ACSL4: variants seen among roughly 807,000 people sequenced by gnomAD.
ACSL4 encodes acyl-CoA synthetase long chain family member 4.
ACSL4 carries 9 observed loss-of-function variants against 49.1 expected under a neutral mutation model. The ratio of observed to expected loss-of-function variants is 0.18; its 90% CI spans 0.11 to 0.32. The LOEUF is 0.32. Among genes scored for constraint, ACSL4 ranks in the 10% least tolerant of loss-of-function variants. The pLI is 1.00. For missense variants in ACSL4, 333 were observed against 493.7 expected (o/e 0.67, Z 3.08); for synonymous variants, 191 against 170.3 (o/e 1.12, Z -0.95).
chrX:109,663,376 T>C lies in ACSL4; in HGVS notation c.1417A>G (p.Asn473Asp), dbSNP rs1922335543. Reference sequence around the variant, plus strand: ...CCAATTACGATTTCACCTCTGGGGTTTGGCTTGTCATTAATTGTATAACCG... The same window carrying C: ...CCAATTACGATTTCACCTCTGGGGTCTGGCTTGTCATTAATTGTATAACCG... ...EGGYTINDKP[N>D]PRGEIVIGGQ... Residue 473 changes from asparagine (N) to aspartate (D), a missense_variant, in exon 13 of 16, where the codon AAC becomes GAC. This residue lies in a region of ACSL4 where 175 missense variants were observed against 275.8 expected (regional missense o/e 0.63). Transcript: ENST00000672401. 1 of 1,210,788 alleles carries C rather than the reference T, an allele frequency of 8.3e-7. No individual in the cohort carries two copies. The highest frequency in any genetic ancestry group is 2.2e-5 in the Admixed American group (1 of 46,011).
rs200467117 is a variant in ACSL4 at position 109,676,301 on chromosome X, CTATT to C, written c.930+1683_930+1686del. On this transcript the variant is annotated intron_variant, in intron 8 of 15. Coordinates refer to ENST00000672401, the MANE Select transcript of ACSL4 (RefSeq NM_001318510.2). ...ATTGGAATCTCAAGTCCAAAAAAAA[CTATT>C]TAACTTTTTTTGTTTTAATAGTATA... 6.8e-3 allele frequency among the ~76,000 whole-genome samples: 739 copies of C among 108,468 alleles called. 5 individuals carry two copies. The highest frequency in any genetic ancestry group is 0.023 in the African/African-American group (695 of 29,889). The allele number at this position is 108,468 out of a possible 115,157, so 94.2% of individuals were successfully genotyped here. A position where few individuals can be genotyped will look rare whatever the true frequency, so the allele number is the denominator to read the frequency against.
chrX:109,649,226 T>A (rs1934896482), intron 15 of ACSL4, among the ~76,000 whole-genome samples: 1 of 111,726 alleles, frequency 9.0e-6, no homozygotes, highest in Non-Finnish European at 1.9e-5. Context: ...AAGTCAATCC[T>A]AAGCCAAAAG....
chrX:109,707,384 C>T (rs149740030), intron 1 of ACSL4, among the ~76,000 whole-genome samples: 1 of 112,523 alleles, frequency 8.9e-6, no homozygotes, highest in East Asian at 2.8e-4. Flanking sequence ...GAAATTAGTA[C>T]ATGCTAAATA....
At chrX:109,648,177 G>A (rs1934821225) in intron 15 of ACSL4, among the ~76,000 whole-genome samples, 1 of 111,532 alleles carries the variant, frequency 9.0e-6, no homozygotes, top group African/African-American at 3.3e-5. Flanking sequence ...CATTTTATGA[G>A]GCCAGCATCA....
rs1468868437 is a variant in ACSL4 at position 109,643,798 on chromosome X, T to C, written c.*231A>G. Reference sequence around the variant, plus strand: ...TAAAAACAGAATTTCTGCTCTATAATAACACAGCTAAAGGGAAATAACTTT... The same window carrying C: ...TAAAAACAGAATTTCTGCTCTATAACAACACAGCTAAAGGGAAATAACTTT... On this transcript the variant is annotated 3_prime_UTR_variant, in exon 16 of 16. Coordinates refer to ENST00000672401, the MANE Select transcript of ACSL4 (RefSeq NM_001318510.2). 5 of 373,544 alleles carry C rather than the reference T, an allele frequency of 1.3e-5. No individual in the cohort carries two copies. The highest frequency in any genetic ancestry group is 2.3e-5 in the Non-Finnish European group (5 of 215,033). The allele number at this position is 373,544 out of a possible 1,213,427, so 30.8% of individuals were successfully genotyped here.
intron 1 of ACSL4, among the ~76,000 whole-genome samples, chrX:109,699,292 G>T (rs946423604): frequency 8.9e-6 from 1 of 111,938 alleles, no homozygotes; most frequent in Admixed American, 9.5e-5. Context: ...ACTTGAACCC[G>T]GGAGTCAAGA....
intron 15 of ACSL4, among the ~76,000 whole-genome samples, chrX:109,652,736 C>A (rs1404409987): frequency 9.0e-6 from 1 of 110,756 alleles, no homozygotes; most frequent in African/African-American, 3.3e-5. Flanking sequence ...TTCTGGGAGC[C>A]TGGTTCATTA....
chrX:109,683,091 G>T, intron 3 of ACSL4, 45 bp downstream of exon 3: 1 of 1,154,132 alleles, frequency 8.7e-7, no homozygotes. Context: ...AAACAAATGT[G>T]TCTTCCTCTT....
At chrX:109,702,194 G>A (rs1211311855) in intron 1 of ACSL4, among the ~76,000 whole-genome samples, 4 of 110,807 alleles carry the variant, frequency 3.6e-5, no homozygotes, top group Admixed American at 9.6e-5. Context: ...CAGCCTGGGC[G>A]ACAATGGCAA....
At chrX:109,671,358 C>T (rs1240429128) in intron 9 of ACSL4, among the ~76,000 whole-genome samples, 4 of 111,595 alleles carry the variant, frequency 3.6e-5, no homozygotes, top group Admixed American at 9.3e-5. Flanking sequence ...CCGGCCTCCC[C>T]GTCTGAGAAG....
rs754760274 is a variant in ACSL4 at position 109,705,178 on chromosome X, G to A, written c.-65-8982C>T. Among the ~76,000 whole-genome samples, 11 of 112,098 alleles carry A rather than the reference G, an allele frequency of 9.8e-5. No homozygotes were observed. The South Asian group carries it at 4.0e-3, about 41-fold the overall frequency. On this transcript the variant is annotated intron_variant, in intron 1 of 15. Coordinates refer to ENST00000672401, the MANE Select transcript of ACSL4 (RefSeq NM_001318510.2). ...ATTTTTGGTGCCAATAGTTTTCAAA[G>A]GCAACTTTTTAATTATATAGGTGTA... is the stretch of plus-strand genomic sequence containing the variant.
intron 12 of ACSL4, among the ~76,000 whole-genome samples, chrX:109,665,033 A>G (rs1041477567): frequency 2.7e-5 from 3 of 111,581 alleles, no homozygotes; most frequent in African/African-American, 9.8e-5. Context: ...TGGGATCAAG[A>G]TCTAAGAAGT....
At chrX:109,710,347 CCA>C (rs1226648695) in intron 1 of ACSL4, among the ~76,000 whole-genome samples, 4 of 112,185 alleles carry the variant, frequency 3.6e-5, no homozygotes, top group African/African-American at 1.3e-4. Flanking sequence ...CTGTTTGAAT[CCA>C]CAGTCATATA....
At position 109,668,165 on chromosome X, in the gene ACSL4, G is replaced by A. The variant is rs746460338; in HGVS notation, c.1251C>T (p.Phe417=). ...PQTHRFMNVC[F]CCPIGQGYGL... ...CATAACCCTGGCCAATTGGGCAGCA[G>A]AAGCAGACATTCATGAATCGGTGTG... The change falls in exon 11 of 16, where the codon TTC becomes TTT. Residue 417 remains phenylalanine, a synonymous_variant. Transcript: ENST00000672401. 2 of 1,209,850 alleles carry A rather than the reference G, an allele frequency of 1.7e-6. No homozygotes were observed. The highest frequency in any genetic ancestry group is 2.2e-6 in the Non-Finnish European group (2 of 893,667).
intron 1 of ACSL4, among the ~76,000 whole-genome samples, chrX:109,707,181 C>A (rs1216851539): frequency 4.5e-5 from 5 of 111,744 alleles, no homozygotes; most frequent in African/African-American, 1.6e-4. Context: ...CTGGAGTTAC[C>A]AGTTCCTTGC....
At chrX:109,671,205 C>T (rs1244316692) in intron 9 of ACSL4, among the ~76,000 whole-genome samples, 1 of 109,346 alleles carries the variant, frequency 9.1e-6, no homozygotes, top group Non-Finnish European at 1.9e-5. Flanking sequence ...GCCGCCCATC[C>T]TCTGGGATGT....
intron 1 of ACSL4, among the ~76,000 whole-genome samples, chrX:109,708,071 A>C (rs922038574): frequency 1.8e-5 from 2 of 111,349 alleles, no homozygotes; most frequent in Middle Eastern, 4.6e-3. Flanking sequence ...CAGCCTCCTG[A>C]GTAGCTGGGA....
Position 109,678,332 on chromosome X carries a change from C to T in ACSL4, c.739G>A (p.Val247Met), listed in dbSNP as rs1332086545. ...TSGSTGRPKGVMMHHSNLIAG... is the reference protein window; with the variant it reads ...TSGSTGRPKGMMMHHSNLIAG... ...ATCAAATTGCTATGATGCATCATCACTCCCTTAGGTCGGCCAGTAGAACCA... is the reference window on the plus strand; with the variant it reads ...ATCAAATTGCTATGATGCATCATCATTCCCTTAGGTCGGCCAGTAGAACCA... Residue 247 changes from valine to methionine, a missense_variant, in exon 7 of 16, where the codon GTG becomes ATG. Around this residue, in one of 3 missense-constraint regions of ACSL4, gnomAD observed 157 missense variants for 201.1 expected, o/e 0.78. Coordinates refer to ENST00000672401, the MANE Select transcript of ACSL4 (RefSeq NM_001318510.2). 1 of 1,210,097 alleles carries T rather than the reference C, an allele frequency of 8.3e-7. No individual in the cohort carries two copies. The highest frequency in any genetic ancestry group is 1.7e-5 in the African/African-American group (1 of 57,201).
chrX:109,685,355 C>T (rs1268708881), intron 2 of ACSL4: 1 of 111,034 alleles, frequency 9.0e-6, no homozygotes, highest in Admixed American at 9.6e-5. Flanking sequence ...AATGGCCTCC[C>T]AAAGTGCTGG....
Sources: gnomAD v4.1 joint callset for allele counts (sites outside exome capture counted in the v4.1 genomes callset) on GRCh38, gnomAD v4.1.1 for gene constraint, gnomAD v4.1.1 regional missense constraint, MANE v1.5 for transcripts, NCBI Gene and HGNC (gene_info 2026-07-23, HGNC 2026-07-21) for gene names.